The following TP53BP2 variants were observed in gnomAD, a reference collection of about 807,000 sequenced individuals.
TP53BP2 encodes the protein tumor protein p53 binding protein 2.
TP53BP2 carries 62 observed loss-of-function variants against 126.2 expected under a neutral mutation model. The observed-to-expected ratio is 0.49, with a 90% CI of 0.40 to 0.61. The LOEUF is 0.61. TP53BP2 is among the 20% of genes least tolerant of loss of function. The pLI, the probability that TP53BP2 is intolerant of heterozygous loss-of-function variation, is 0.00. For synonymous variants in TP53BP2, 485 were observed against 502.9 expected, an observed-to-expected ratio of 0.96 and a Z score of 0.48; for missense variants, 1,215 against 1,402.8, an observed-to-expected ratio of 0.87 and a Z score of 2.14.
At position 223,806,767 on chromosome 1, in the gene TP53BP2, T is replaced by G. The variant is rs186931806; in HGVS notation, c.474+79A>C. 2.7e-6 allele frequency: 3 copies of G among 1,109,872 alleles called. No homozygotes were observed. The East Asian group carries it at 7.6e-5, about 28-fold the overall frequency. 68.8% of individuals were successfully genotyped at this position (1,109,872 alleles called of 1,614,324 possible). On this transcript the variant is annotated intron_variant, in intron 5 of 17. Coordinates refer to ENST00000343537, the MANE Select transcript of TP53BP2 (RefSeq NM_001031685.3). ...TGAACTCAGGAGGCGGAGGTTGCAGTGAGCCAAGATCGTGCCACTGCACTC... is the reference window on the plus strand; with the variant it reads ...TGAACTCAGGAGGCGGAGGTTGCAGGGAGCCAAGATCGTGCCACTGCACTC...
intron 2 of TP53BP2, among the ~76,000 whole-genome samples, chr1:223,818,673 C>G (rs1012076423): frequency 6.7e-6 from 1 of 150,346 alleles, no homozygotes; most frequent in African/African-American, 2.4e-5. Context: ...CTCCTGAGTT[C>G]AAGGGATTCT....
intron 1 of TP53BP2, among the ~76,000 whole-genome samples, chr1:223,836,249 G>C (rs756805000): frequency 6.6e-6 from 1 of 152,214 alleles, no homozygotes; most frequent in Non-Finnish European, 1.5e-5. Context: ...CGTCATGGAG[G>C]GCAATATGCA....
chr1:223,819,992 G>A (rs181358246), intron 2 of TP53BP2, among the ~76,000 whole-genome samples: 11 of 152,280 alleles, frequency 7.2e-5, no homozygotes, highest in South Asian at 2.1e-4. Context: ...AAAGAGTGAC[G>A]GGCCTTCTGC....
chr1:223,803,532 A>C, intron 6 of TP53BP2, 80 bp from the exon 7 acceptor site: 1 of 1,375,630 alleles, frequency 7.3e-7, no homozygotes, highest in Non-Finnish European at 9.7e-7. Flanking sequence ...GGGCTTTACA[A>C]TGAACTTTCT....
At chr1:223,817,621 G>A (rs1419533282) in intron 2 of TP53BP2, among the ~76,000 whole-genome samples, 2 of 152,164 alleles carry the variant, frequency 1.3e-5, no homozygotes, top group East Asian at 3.9e-4. Flanking sequence ...TATGCATACT[G>A]GGGGAAATTA....
At chr1:223,810,387 G>GT (rs745906845) in intron 4 of TP53BP2, 44 bp downstream of exon 4, 241 of 1,350,722 alleles carry the variant, frequency 1.8e-4, no homozygotes, top group Non-Finnish European at 2.3e-4. Flanking sequence ...TAAAAAATAT[G>GT]TATCACTGTG....
At chr1:223,818,177 A>T (rs906471843) in intron 2 of TP53BP2, 1 of 152,612 alleles carries the variant, frequency 6.6e-6, no homozygotes, top group African/African-American at 2.4e-5. Flanking sequence ...CGCTTAGGAC[A>T]GAGACATCCA....
intron 11 of TP53BP2, 121 bp downstream of exon 11, chr1:223,799,778 T>G: frequency 1.1e-5 from 10 of 895,812 alleles, no homozygotes; most frequent in Non-Finnish European, 1.5e-5. Flanking sequence ...GCTAATGTAT[T>G]TTCTAATCTC....
At chr1:223,793,213 A>G (rs1662209546) in intron 14 of TP53BP2, 90 bp downstream of exon 14, 1 of 985,050 alleles carries the variant, frequency 1.0e-6, no homozygotes, top group African/African-American at 1.7e-5. Flanking sequence ...ATACAAGGTC[A>G]TATTTTAAAA....
chr1:223,788,050 C>A (rs935224446), intron 16 of TP53BP2, among the ~76,000 whole-genome samples: 1 of 151,380 alleles, frequency 6.6e-6, no homozygotes, highest in Non-Finnish European at 1.5e-5. Flanking sequence ...GCCTGGGTGA[C>A]AGAGTGAGAC....
intron 15 of TP53BP2, among the ~76,000 whole-genome samples, chr1:223,790,473 C>T (rs900845189): frequency 6.6e-6 from 1 of 151,994 alleles, no homozygotes; most frequent in Non-Finnish European, 1.5e-5. Context: ...CGGGAGGCTG[C>T]TTCAGCCCAG....
intron 4 of TP53BP2, among the ~76,000 whole-genome samples, chr1:223,807,870 T>A (rs959657956): frequency 6.6e-6 from 1 of 152,206 alleles, no homozygotes; most frequent in South Asian, 2.1e-4. Flanking sequence ...TATTCTCAAA[T>A]TGATTCAACA....
chr1:223,830,104 G>A (rs1663644753), intron 1 of TP53BP2, among the ~76,000 whole-genome samples: 1 of 152,100 alleles, frequency 6.6e-6, no homozygotes, highest in East Asian at 1.9e-4. Flanking sequence ...AAACAATGAG[G>A]TACCACTTAA....
In TP53BP2 at chr1:223,806,851, T is replaced by C. The variant is rs1240147907; in HGVS notation, c.469A>G (p.Thr157Ala). 3 of 1,613,470 alleles carry C rather than the reference T, an allele frequency of 1.9e-6. No homozygotes were observed. The highest frequency in any genetic ancestry group is 2.2e-5 in the East Asian group (1 of 44,850). Residue 157 changes from threonine to alanine, a missense_variant, in exon 5 of 18, where the codon ACT (threonine) becomes GCT (alanine). Physicochemically the swap from Thr to Ala is moderately conservative, Grantham distance 58 (BLOSUM62 0). Coordinates refer to ENST00000343537, the MANE Select transcript of TP53BP2 (RefSeq NM_001031685.3). ...QIEAQQQLLA[T>A]KEQRLKFLKQ... ...AAAAAAAAGGACGATACTACCTTAG[T>C]TGCCAGCAATTGTTGCTGGGCTTCA...
At chr1:223,830,045 C>T (rs548143532) in intron 1 of TP53BP2, among the ~76,000 whole-genome samples, 86 of 152,212 alleles carry the variant, frequency 5.7e-4, no homozygotes, top group Non-Finnish European at 1.1e-3. Flanking sequence ...TGACAGATCC[C>T]ACAAGACAAT....
chr1:223,786,768 G>C (rs1012276443), intron 16 of TP53BP2, among the ~76,000 whole-genome samples: 6 of 151,970 alleles, frequency 3.9e-5, no homozygotes, highest in Non-Finnish European at 8.8e-5. Context: ...CACCACGCCT[G>C]TCTAATTTTT....
intron 16 of TP53BP2, among the ~76,000 whole-genome samples, chr1:223,786,796 C>T (rs576485155): frequency 7.9e-5 from 12 of 151,500 alleles, no homozygotes; most frequent in Non-Finnish European, 1.3e-4. Context: ...TTAGTAGAGA[C>T]GGAGTTTCAC....
chr1:223,830,168 G>C (rs1006217379), intron 1 of TP53BP2, among the ~76,000 whole-genome samples: 1 of 152,194 alleles, frequency 6.6e-6, no homozygotes, highest in East Asian at 1.9e-4. Context: ...GAAGTGTCTC[G>C]TATTTCAGAA....
intron 11 of TP53BP2, 32 bp downstream of exon 11, chr1:223,799,867 T>C (rs1229244929): frequency 6.5e-7 from 1 of 1,543,662 alleles, no homozygotes; most frequent in Non-Finnish European, 8.7e-7. Context: ...GAATTACTAT[T>C]AAATTTTAAA....
Sources: gnomAD v4.1 joint callset for allele counts (sites outside exome capture counted in the v4.1 genomes callset) on GRCh38, gnomAD v4.1.1 for gene constraint, MANE v1.5 for transcripts, NCBI Gene and HGNC (gene_info 2026-07-23, HGNC 2026-07-21) for gene names.